SLIT3: variants seen among roughly 807,000 people sequenced by gnomAD.
SLIT3 encodes slit homolog 3 protein.
In SLIT3, 68 loss-of-function variants were observed where a neutral mutation model predicts 184.0. The ratio of observed to expected loss-of-function variants is 0.37; its 90% CI spans 0.30 to 0.45. The LOEUF is 0.45. Ranked by LOEUF, SLIT3 falls within the 20% of genes least tolerant of loss-of-function variation. The pLI, the probability that SLIT3 is intolerant of heterozygous loss-of-function variation, is 1.00. For synonymous variants in SLIT3, 831 were observed against 828.6 expected, an observed-to-expected ratio of 1.00 and a Z score of -0.05; for missense variants, 1,707 against 2,026.0, an observed-to-expected ratio of 0.84 and a Z score of 3.02.
At chr5:168,933,197 T>G (rs879927708) in intron 4 of SLIT3, among the ~76,000 whole-genome samples, 1 of 152,136 alleles carries the variant, frequency 6.6e-6, no homozygotes, top group Non-Finnish European at 1.5e-5. Flanking sequence ...GAAAGGACTT[T>G]AAGACCTTAG....
At chr5:168,897,647 T>TGCACGCACACACACACACAC (rs3223457) in intron 4 of SLIT3, among the ~76,000 whole-genome samples, 1 of 141,414 alleles carries the variant, frequency 7.1e-6, no homozygotes, top group Non-Finnish European at 1.5e-5. Flanking sequence ...CAGGTGCACG[T>TGCACGCACACACACACACAC]ACACACACAC....
chr5:169,113,671 T>G (rs1022834060), intron 4 of SLIT3, among the ~76,000 whole-genome samples: 3 of 150,566 alleles, frequency 2.0e-5, no homozygotes, highest in Non-Finnish European at 4.4e-5. Context: ...TTTTTTTTTT[T>G]TTTGAGATGG....
chr5:168,699,495 T>G (rs1762156660), intron 27 of SLIT3, among the ~76,000 whole-genome samples: 1 of 152,298 alleles, frequency 6.6e-6, no homozygotes, highest in East Asian at 1.9e-4. Flanking sequence ...CCAGTGAAAC[T>G]GGGCATCTAA....
At chr5:169,026,934 G>A (rs1380802137) in intron 4 of SLIT3, among the ~76,000 whole-genome samples, 1 of 152,160 alleles carries the variant, frequency 6.6e-6, no homozygotes, top group African/African-American at 2.4e-5. Context: ...CCTGCCCTCA[G>A]GAGGCTTGAA....
chr5:168,779,640 A>G (rs1401669722), intron 12 of SLIT3, among the ~76,000 whole-genome samples: 1 of 152,172 alleles, frequency 6.6e-6, no homozygotes, highest in Non-Finnish European at 1.5e-5. Context: ...CTTCAGGAAA[A>G]CCAAAGCAGA....
chr5:168,993,577 G>A (rs989951482), intron 4 of SLIT3, among the ~76,000 whole-genome samples: 5 of 152,104 alleles, frequency 3.3e-5, no homozygotes, highest in African/African-American at 9.7e-5. Context: ...TGTCTTAGAA[G>A]GATTTTCCAT....
At chr5:169,275,082 C>T (rs983878033) in intron 1 of SLIT3, among the ~76,000 whole-genome samples, 1 of 152,246 alleles carries the variant, frequency 6.6e-6, no homozygotes, top group Non-Finnish European at 1.5e-5. Flanking sequence ...CAACAAATGT[C>T]AGTGCACTCG....
At chr5:169,224,553 A>G (rs61479760) in intron 3 of SLIT3, among the ~76,000 whole-genome samples, 2,600 of 152,092 alleles carry the variant, frequency 0.017, 77 homozygotes, top group African/African-American at 0.059. Context: ...ATTTTTGTAG[A>G]GATGGGGTCT....
intron 4 of SLIT3, among the ~76,000 whole-genome samples, chr5:169,112,471 T>C (rs550471438): frequency 2.1e-3 from 327 of 152,276 alleles, no homozygotes; most frequent in South Asian, 5.2e-3. Context: ...TCATAACATT[T>C]TAGTTTCTCC....
intron 4 of SLIT3, among the ~76,000 whole-genome samples, chr5:169,008,369 C>T (rs1166145452): frequency 3.3e-5 from 5 of 152,098 alleles, no homozygotes; most frequent in Admixed American, 3.3e-4. Flanking sequence ...CCTGACTTCC[C>T]TAGCCATGAC....
chr5:169,016,367 G>T (rs571453247), intron 4 of SLIT3, among the ~76,000 whole-genome samples: 1 of 152,280 alleles, frequency 6.6e-6, no homozygotes, highest in Non-Finnish European at 1.5e-5. Flanking sequence ...TCAAGACACA[G>T]CTAACGGGTG....
chr5:169,235,929 T>C (rs1765182552), intron 3 of SLIT3, among the ~76,000 whole-genome samples: 2 of 152,314 alleles, frequency 1.3e-5, no homozygotes, highest in African/African-American at 2.4e-5. Flanking sequence ...GTCATATTTC[T>C]CCATTGTAAA....
At chr5:168,846,703 G>A (rs1164371690) in intron 5 of SLIT3, among the ~76,000 whole-genome samples, 1 of 152,220 alleles carries the variant, frequency 6.6e-6, no homozygotes, top group Non-Finnish European at 1.5e-5. Context: ...TGTAGAGATG[G>A]CAGTTTGTGG....
chr5:168,690,505 G>A (rs1461638165), intron 29 of SLIT3, among the ~76,000 whole-genome samples: 1 of 152,148 alleles, frequency 6.6e-6, no homozygotes, highest in Non-Finnish European at 1.5e-5. Context: ...TGCCTGGCCT[G>A]CTCTGCTTTG....
chr5:169,112,314 G>T (rs1252406525), intron 4 of SLIT3, among the ~76,000 whole-genome samples: 3 of 152,194 alleles, frequency 2.0e-5, no homozygotes, highest in African/African-American at 7.2e-5. Context: ...TCATGCAGTT[G>T]GTGGAGAGAC....
intron 1 of SLIT3, among the ~76,000 whole-genome samples, chr5:169,287,318 A>T (rs1223630532): frequency 2.6e-5 from 4 of 151,966 alleles, no homozygotes; most frequent in Non-Finnish European, 5.9e-5. Flanking sequence ...TCAGGATATG[A>T]TCTGCCATCC....
In SLIT3 at chr5:169,173,913, G is replaced by C. The variant is rs576318991; in HGVS notation, c.413+19566C>G. ...AAGGTGGACATGTGATGCACACTCA[G>C]CTCATCCAAGACCCCAGGCCCCATC... On this transcript the variant is annotated intron_variant, in intron 4 of 35. Transcript: ENST00000519560. Among the ~76,000 whole-genome samples, 403 of 152,304 alleles carry C rather than the reference G, an allele frequency of 2.6e-3. 5 individuals are homozygous for C. The South Asian group carries it at 0.045, about 17-fold the overall frequency.
intron 6 of SLIT3, among the ~76,000 whole-genome samples, chr5:168,825,631 G>A (rs12691283): frequency 6.6e-6 from 1 of 152,044 alleles, no homozygotes; most frequent in Non-Finnish European, 1.5e-5. Context: ...CCCACTTAGC[G>A]GTTTTGTTTC....
chr5:169,079,598 G>GGGAGGA (rs1213328673), intron 4 of SLIT3, among the ~76,000 whole-genome samples: 3 of 127,700 alleles, frequency 2.3e-5, no homozygotes, highest in African/African-American at 9.0e-5. Context: ...AGGAGGAGGA[G>GGGAGGA]GGAGGAGGAG....
Sources: gnomAD v4.1 joint callset for allele counts (sites outside exome capture counted in the v4.1 genomes callset) on GRCh38, gnomAD v4.1.1 for gene constraint, MANE v1.5 for transcripts, NCBI Gene and HGNC (gene_info 2026-07-23, HGNC 2026-07-21) for gene names.